The following C9orf43 variants were observed in gnomAD, a reference collection of about 807,000 sequenced individuals.
C9orf43 encodes uncharacterized protein C9orf43.
A neutral mutation model predicts 59.1 loss-of-function variants in C9orf43; 45 were observed. The observed-to-expected ratio is 0.76, with a 90% CI of 0.60 to 0.98. The LOEUF (loss-of-function observed/expected upper bound fraction) is 0.98, where lower values mean the gene tolerates loss of function less well. Among genes scored for constraint, C9orf43 ranks in the 50% least tolerant of loss-of-function variants. C9orf43 has a pLI of 0.00. For missense variants in C9orf43, 533 were observed against 554.9 expected (o/e 0.96, Z 0.40); for synonymous variants, 203 against 196.8 (o/e 1.03, Z -0.26).
At chr9:113,416,870 C>T (rs1006441578) in intron 3 of C9orf43, among the ~76,000 whole-genome samples, 9 of 152,184 alleles carry the variant, frequency 5.9e-5, no homozygotes, top group Non-Finnish European at 8.8e-5. Flanking sequence ...GATGTCCCCT[C>T]GGGGCAAAAT....
chr9:113,427,736 C>T (rs989898292), intron 11 of C9orf43, among the ~76,000 whole-genome samples: 2 of 152,114 alleles, frequency 1.3e-5, no homozygotes, highest in Non-Finnish European at 2.9e-5. Context: ...AATGAATCTA[C>T]CTAGGGACTA....
Position 113,411,257 on chromosome 9 carries a change from A to AT in C9orf43, c.-50+262dup, listed in dbSNP as rs1262592379. 1.8e-5 allele frequency: 7 copies of AT among 393,768 alleles called. 1 individual carries two copies. The highest frequency in any genetic ancestry group is 6.5e-5 in the Admixed American group (1 of 15,384). The allele number at this position is 393,768 out of a possible 1,614,324, so 24.4% of individuals were successfully genotyped here. A position where few individuals can be genotyped will look rare whatever the true frequency, so the allele number is the denominator to read the frequency against. ...TTTTCAGTTAAATTGTTCATCATAC[A>AT]TTTTTTCCAGTTAAAACCATTCTCA... On this transcript the variant is annotated intron_variant, in intron 1 of 13. Coordinates refer to ENST00000374165, the MANE Select transcript of C9orf43 (RefSeq NM_001278629.2).
At chr9:113,419,704 T>G (rs117510493) in intron 4 of C9orf43, among the ~76,000 whole-genome samples, 1,652 of 152,344 alleles carry the variant, frequency 0.011, 11 homozygotes, top group Non-Finnish European at 0.019. Context: ...TTTGATTTTA[T>G]GACCTATGAA....
chr9:113,429,399 G>A lies in C9orf43; in HGVS notation c.*13G>A. On this transcript the variant is annotated 3_prime_UTR_variant, in exon 14 of 14. Coordinates refer to ENST00000374165, the MANE Select transcript of C9orf43 (RefSeq NM_001278629.2). ...TGGGGCAGAGTGAGAAGCCTCTGGA[G>A]GAATAGACTGAAGGCATCCCCTGGG... 10 of 1,611,334 alleles carry A rather than the reference G, an allele frequency of 6.2e-6. No homozygotes were observed. Among genetic ancestry groups the A allele is most frequent in the Non-Finnish European group, 8.5e-6 (10 of 1,178,146 alleles).
At chr9:113,428,554 A>G (rs905569620) in intron 12 of C9orf43, among the ~76,000 whole-genome samples, 20 of 152,200 alleles carry the variant, frequency 1.3e-4, no homozygotes, top group African/African-American at 4.1e-4. Flanking sequence ...TTCTTGGCCA[A>G]AGAAGCCACA....
In C9orf43 at chr9:113,423,374, C is replaced by T. The variant is rs376734622; in HGVS notation, c.532C>T (p.Arg178Ter). 14 of 1,613,998 alleles carry T rather than the reference C, an allele frequency of 8.7e-6. No homozygotes were observed. In the African/African-American group the frequency reaches 1.1e-4, roughly 12 times the overall value. Residue 178 changes from arginine to a stop codon, truncating the protein, a stop_gained, in exon 7 of 14, where the codon CGA becomes TGA. Transcript: ENST00000374165. LOFTEE classifies it high-confidence loss of function. ...GLSGNQSAGT[R>*]VGTPGMIVPP... is the part of the protein sequence containing the mutation. Reference sequence around the variant, plus strand: ...CTCTGGAAATCAGTCCGCAGGAACACGAGTAGGAACACCAGGGATGATCGT... The same window carrying T: ...CTCTGGAAATCAGTCCGCAGGAACATGAGTAGGAACACCAGGGATGATCGT...
At chr9:113,415,676 T>C (rs1828331658) in intron 3 of C9orf43, among the ~76,000 whole-genome samples, 1 of 152,166 alleles carries the variant, frequency 6.6e-6, no homozygotes, top group Non-Finnish European at 1.5e-5. Context: ...GTGCCTTTTT[T>C]TTTTCTTTTC....
intron 4 of C9orf43, among the ~76,000 whole-genome samples, chr9:113,419,948 A>T (rs1828503721): frequency 6.6e-6 from 1 of 152,120 alleles, no homozygotes; most frequent in African/African-American, 2.4e-5. Flanking sequence ...TTTTTTCTTG[A>T]GATGCTTCAC....
chr9:113,423,252 G>A (rs1186288302), intron 6 of C9orf43, 74 bp from the exon 7 acceptor site: 1 of 1,466,294 alleles, frequency 6.8e-7, no homozygotes, highest in Non-Finnish European at 9.3e-7. Context: ...AGTGTTGAGA[G>A]GCTAGAATGT....
In C9orf43 at chr9:113,429,471, C is replaced by A; in HGVS notation, c.*85C>A. 2 of 1,161,176 alleles carry A rather than the reference C, an allele frequency of 1.7e-6. No individual in the cohort carries two copies. The highest frequency in any genetic ancestry group is 2.7e-5 in the South Asian group (2 of 73,994). 71.9% of individuals were successfully genotyped at this position (1,161,176 alleles called of 1,614,324 possible). On this transcript the variant is annotated 3_prime_UTR_variant, in exon 14 of 14. Coordinates refer to ENST00000374165, the MANE Select transcript of C9orf43 (RefSeq NM_001278629.2). Reference sequence around the variant, plus strand: ...ATGGCTGGTATCCTGAGGGCAGCAACGTTTCACATAAGGGCAAGAGGAGAG... The same window carrying A: ...ATGGCTGGTATCCTGAGGGCAGCAAAGTTTCACATAAGGGCAAGAGGAGAG...
chr9:113,426,885 G>C (rs1828811069), intron 11 of C9orf43, among the ~76,000 whole-genome samples: 1 of 152,206 alleles, frequency 6.6e-6, no homozygotes, highest in African/African-American at 2.4e-5. Flanking sequence ...TTATGGAAGA[G>C]ATGATTTTTG....
At chr9:113,411,158 C>T in intron 1 of C9orf43, 157 bp downstream of exon 1, 1 of 959,962 alleles carries the variant, frequency 1.0e-6, no homozygotes, top group Non-Finnish European at 1.2e-6. Context: ...GGGCGAGAAG[C>T]AGCCTTTTCA....
In C9orf43 at chr9:113,425,050, A is replaced by G. The variant is rs571864386; in HGVS notation, c.839A>G (p.Lys280Arg). The change falls in exon 9 of 14, where the codon AAG (lysine) becomes AGG (arginine). Residue 280 changes from lysine to arginine, a missense_variant. Coordinates refer to ENST00000374165, the MANE Select transcript of C9orf43 (RefSeq NM_001278629.2). ...GCACTGCGATATCCTGAACGTTTGA[A>G]GAAATTACATAACCTGAAGACAGAA... ...RPALRYPERLKKLHNLKTEGY... is the reference protein window; with the variant it reads ...RPALRYPERLRKLHNLKTEGY... 6.2e-7 allele frequency: 1 copy of G among 1,613,222 alleles called. No individual in the cohort carries two copies. Among genetic ancestry groups the G allele is most frequent in the African/African-American group, 1.3e-5 (1 of 75,060 alleles).
At chr9:113,421,817 T>C (rs562880802) in intron 5 of C9orf43, among the ~76,000 whole-genome samples, 1 of 152,326 alleles carries the variant, frequency 6.6e-6, no homozygotes, top group East Asian at 1.9e-4. Flanking sequence ...CTGTGAGTGC[T>C]TCTCTCTATA....
In C9orf43 at chr9:113,429,506, C is replaced by G. The variant is rs993721244; in HGVS notation, c.*120C>G. On this transcript the variant is annotated 3_prime_UTR_variant, in exon 14 of 14. Transcript: ENST00000374165. ...AAGGGCAAGAGGAGAGGGGCTTCTG[C>G]TCTCTGGAGCCTTTACCAGGGCCTG... 3 of 768,936 alleles carry G rather than the reference C, an allele frequency of 3.9e-6. No individual in the cohort carries two copies. Among genetic ancestry groups the G allele is most frequent in the Admixed American group, 5.4e-5 (2 of 37,332 alleles). The allele number at this position is 768,936 out of a possible 1,614,324, so 47.6% of individuals were successfully genotyped here.
intron 11 of C9orf43, 135 bp from the exon 12 acceptor site, chr9:113,428,012 A>G (rs1828853416): frequency 3.9e-6 from 3 of 777,296 alleles, no homozygotes; most frequent in African/African-American, 1.7e-5. Context: ...AGGTCTAACT[A>G]CCTTTTACCT....
intron 1 of C9orf43, 116 bp downstream of exon 1, chr9:113,411,117 G>C: frequency 1.0e-6 from 1 of 985,392 alleles, no homozygotes; most frequent in African/African-American, 1.7e-5. Flanking sequence ...TTAGGTCTCA[G>C]GAGTCAATTC....
intron 1 of C9orf43, among the ~76,000 whole-genome samples, chr9:113,412,431 A>G (rs1312425347): frequency 6.6e-6 from 1 of 152,244 alleles, no homozygotes; most frequent in Non-Finnish European, 1.5e-5. Flanking sequence ...TTTGTTTATT[A>G]CTGTTCATGT....
chr9:113,428,344 G>A lies in C9orf43; in HGVS notation c.1107+121G>A, dbSNP rs1828866266. On this transcript the variant is annotated intron_variant, in intron 12 of 13. Coordinates refer to ENST00000374165, the MANE Select transcript of C9orf43 (RefSeq NM_001278629.2). ...AATGATTCTGTGGGTTGACTGGACA[G>A]TTGTTCTTCTCCTGCTTGAGGTCAC... 4.0e-6 allele frequency: 4 copies of A among 992,760 alleles called. No homozygotes were observed. The South Asian group carries it at 5.5e-5, about 14-fold the overall frequency. The allele number at this position is 992,760 out of a possible 1,614,324, so 61.5% of individuals were successfully genotyped here. A position where few individuals can be genotyped will look rare whatever the true frequency, so the allele number is the denominator to read the frequency against.
Sources: allele counts gnomAD v4.1 joint callset (sites outside exome capture counted in the v4.1 genomes callset), GRCh38; gene constraint gnomAD v4.1.1; transcripts MANE v1.5; gene names NCBI Gene and HGNC (gene_info 2026-07-23, HGNC 2026-07-21).